The following GRM1 variants were observed in gnomAD, a reference collection of about 807,000 sequenced individuals.
GRM1 encodes the protein metabotropic glutamate receptor 1.
In GRM1, 33 loss-of-function variants were observed where a neutral mutation model predicts 90.9. The observed-to-expected ratio is 0.36, with a 90% CI of 0.28 to 0.49. The LOEUF (loss-of-function observed/expected upper bound fraction) is 0.49, where lower values mean the gene tolerates loss of function less well. GRM1 is among the 20% of genes least tolerant of loss of function. GRM1 has a pLI of 0.99. For synonymous variants in GRM1, 700 were observed against 613.2 expected (o/e 1.14, Z -2.09); for missense variants, 1,190 against 1,534.3 (o/e 0.78, Z 3.75).
rs368659590 is a variant in GRM1 at position 146,348,511 on chromosome 6, C to A, written c.1187-3739C>A. 3.9e-5 allele frequency among the ~76,000 whole-genome samples: 6 copies of A among 152,150 alleles called. No homozygotes were observed. In the East Asian group the frequency reaches 1.2e-3, roughly 29 times the overall value. On this transcript the variant is annotated intron_variant, in intron 3 of 7. Coordinates refer to ENST00000282753, the MANE Select transcript of GRM1 (RefSeq NM_001278064.2). ...TAGGACCCTCCTGGGTGTACAGAGCCCAGGGGACTGGCAGAGTAAGAGAGC... is the reference window on the plus strand; with the variant it reads ...TAGGACCCTCCTGGGTGTACAGAGCACAGGGGACTGGCAGAGTAAGAGAGC...
intron 2 of GRM1, among the ~76,000 whole-genome samples, chr6:146,206,691 T>A (rs1779505842): frequency 6.6e-6 from 1 of 152,022 alleles, no homozygotes; most frequent in African/African-American, 2.4e-5. Flanking sequence ...TAAACACATG[T>A]CATGGGGGTT....
At chr6:146,310,792 G>A (rs767724427) in intron 3 of GRM1, among the ~76,000 whole-genome samples, 43 of 152,298 alleles carry the variant, frequency 2.8e-4, no homozygotes, top group African/African-American at 6.7e-4. Context: ...AGTTGAGAAT[G>A]TCCTAGATCA....
intron 1 of GRM1, among the ~76,000 whole-genome samples, chr6:146,143,241 T>G (rs1431567947): frequency 1.3e-5 from 2 of 152,238 alleles, no homozygotes; most frequent in African/African-American, 2.4e-5. Flanking sequence ...CATACCCTAA[T>G]TTCCTTTTGA....
intron 2 of GRM1, among the ~76,000 whole-genome samples, chr6:146,178,969 A>G (rs1209387265): frequency 6.6e-6 from 1 of 152,184 alleles, no homozygotes; most frequent in Non-Finnish European, 1.5e-5. Context: ...TGGTATAAGA[A>G]TGGGAATCGA....
chr6:146,260,586 A>ACAGTG (rs1020812445), intron 2 of GRM1, among the ~76,000 whole-genome samples: 1 of 152,158 alleles, frequency 6.6e-6, no homozygotes, highest in African/African-American at 2.4e-5. Flanking sequence ...ACTGTCTTCC[A>ACAGTG]CAGTGGTCGA....
intron 1 of GRM1, among the ~76,000 whole-genome samples, chr6:146,145,332 T>A (rs1777053609): frequency 6.6e-6 from 1 of 152,092 alleles, no homozygotes; most frequent in Non-Finnish European, 1.5e-5. Flanking sequence ...CCAAAGGTAT[T>A]TCAGATATCT....
intron 1 of GRM1, among the ~76,000 whole-genome samples, chr6:146,034,777 C>T (rs1194629545): frequency 6.6e-6 from 1 of 151,938 alleles, no homozygotes; most frequent in Non-Finnish European, 1.5e-5. Context: ...TTTTCCTCCT[C>T]TTACTATACT....
At chr6:146,349,030 A>G (rs143064231) in intron 3 of GRM1, among the ~76,000 whole-genome samples, 1 of 145,928 alleles carries the variant, frequency 6.9e-6, no homozygotes, top group East Asian at 2.0e-4. Flanking sequence ...TATATAACAA[A>G]CAAGAAGTGG....
chr6:146,073,890 A>G (rs930786472), intron 1 of GRM1, among the ~76,000 whole-genome samples: 12 of 152,188 alleles, frequency 7.9e-5, no homozygotes, highest in African/African-American at 2.9e-4. Context: ...GTAATCAGGT[A>G]AACGTAGAGA....
In GRM1 at chr6:146,216,004, G is replaced by A. The variant is rs141963425; in HGVS notation, c.950+56407G>A. Among the ~76,000 whole-genome samples, 4 of 152,200 alleles carry A rather than the reference G, an allele frequency of 2.6e-5. No individual in the cohort carries two copies. The East Asian group carries it at 5.8e-4, about 22-fold the overall frequency. ...GATCACCTGAACTTATGGTCTGCCCGCCTCAACCTCCCAAAGTGCTGGGAT... is the reference window on the plus strand; with the variant it reads ...GATCACCTGAACTTATGGTCTGCCCACCTCAACCTCCCAAAGTGCTGGGAT... On this transcript the variant is annotated intron_variant, in intron 2 of 7. Transcript: ENST00000282753.
chr6:146,145,358 C>T (rs1378247648), intron 1 of GRM1, among the ~76,000 whole-genome samples: 2 of 152,164 alleles, frequency 1.3e-5, no homozygotes, highest in East Asian at 3.9e-4. Flanking sequence ...GCTGTCCCCC[C>T]ATCACAGCCC....
chr6:146,047,119 T>C (rs559214539), intron 1 of GRM1, among the ~76,000 whole-genome samples: 11 of 152,110 alleles, frequency 7.2e-5, no homozygotes, highest in Non-Finnish European at 1.6e-4. Flanking sequence ...GTTGTGGAGC[T>C]GGTTGGAAAA....
chr6:146,365,067 T>C (rs1176268746), intron 5 of GRM1: 1 of 152,170 alleles, frequency 6.6e-6, no homozygotes, highest in Non-Finnish European at 1.5e-5. Context: ...TCAATTCTAC[T>C]GCAAAATGGC....
intron 3 of GRM1, among the ~76,000 whole-genome samples, chr6:146,318,767 T>G (rs1784067698): frequency 6.6e-6 from 1 of 152,198 alleles, no homozygotes; most frequent in Non-Finnish European, 1.5e-5. Flanking sequence ...ATGATGAGCT[T>G]TTTTTCATGT....
intron 2 of GRM1, among the ~76,000 whole-genome samples, chr6:146,264,071 A>G (rs905623905): frequency 2.0e-5 from 3 of 152,142 alleles, no homozygotes; most frequent in African/African-American, 7.2e-5. Flanking sequence ...ATTCTGATAA[A>G]TCAAGGAATT....
chr6:146,337,760 T>A (rs573037242), intron 3 of GRM1, among the ~76,000 whole-genome samples: 5 of 152,292 alleles, frequency 3.3e-5, no homozygotes, highest in African/African-American at 1.2e-4. Context: ...GACTTGAAAA[T>A]ACTATAATAA....
chr6:146,273,197 C>G (rs1050250736), intron 2 of GRM1, among the ~76,000 whole-genome samples: 1 of 152,076 alleles, frequency 6.6e-6, no homozygotes, highest in African/African-American at 2.4e-5. Flanking sequence ...TAACTAATAC[C>G]TTTGGTAAAT....
At chr6:146,053,906 AT>A (rs905922089) in intron 1 of GRM1, among the ~76,000 whole-genome samples, 7 of 152,080 alleles carry the variant, frequency 4.6e-5, no homozygotes, top group Admixed American at 4.6e-4. Context: ...GGAGAATACC[AT>A]TTGTAGGACT....
intron 2 of GRM1, among the ~76,000 whole-genome samples, chr6:146,235,113 G>C (rs945697717): frequency 2.0e-5 from 3 of 151,880 alleles, no homozygotes; most frequent in Admixed American, 6.6e-5. Flanking sequence ...AGGTCTGCTG[G>C]CAATGAATTC....
Sources: allele counts gnomAD v4.1 joint callset (sites outside exome capture counted in the v4.1 genomes callset), GRCh38; gene constraint gnomAD v4.1.1; transcripts MANE v1.5; gene names NCBI Gene and HGNC (gene_info 2026-07-23, HGNC 2026-07-21).